The following CLNK variants were observed in gnomAD, a reference collection of about 807,000 sequenced individuals.
The protein encoded by CLNK is cytokine dependent hematopoietic cell linker.
Under a neutral mutation model 68.6 loss-of-function variants are expected in CLNK, and 74 were observed. That is an observed-to-expected ratio of 1.08 (90% confidence interval 0.89 to 1.31). The LOEUF (loss-of-function observed/expected upper bound fraction) is 1.31. Ranked by LOEUF, CLNK falls within the 50% of genes most tolerant of loss-of-function variation. The probability of loss-of-function intolerance (pLI) is 0.00; values close to 1 mark genes in which losing one functional copy is unlikely to be tolerated. For missense variants in CLNK, 553 were observed against 515.3 expected, an observed-to-expected ratio of 1.07 and a Z score of -0.71; for synonymous variants, 198 against 172.2, an observed-to-expected ratio of 1.15 and a Z score of -1.17.
chr4:10,531,933 A>C (rs950736840), intron 12 of CLNK, among the ~76,000 whole-genome samples: 1 of 152,220 alleles, frequency 6.6e-6, no homozygotes, highest in African/African-American at 2.4e-5. Flanking sequence ...TACCATTTCT[A>C]ACACTTGATT....
chr4:10,718,093 T>C, the CLNK span, among the ~76,000 whole-genome samples: 2 of 152,126 alleles, frequency 1.3e-5, no homozygotes, highest in Admixed American at 6.5e-5. Flanking sequence ...CAAAATTCTA[T>C]ACAAAACCTC....
intron 18 of CLNK, among the ~76,000 whole-genome samples, chr4:10,496,925 C>T (rs1038793927): frequency 1.3e-5 from 2 of 152,200 alleles, no homozygotes; most frequent in African/African-American, 4.8e-5. Context: ...CCCGCTCCCA[C>T]CCTATGGAGT....
chr4:10,515,824 T>C (rs1017193986), intron 15 of CLNK, among the ~76,000 whole-genome samples: 2 of 152,210 alleles, frequency 1.3e-5, no homozygotes, highest in African/African-American at 4.8e-5. Context: ...ATTTTCCAAG[T>C]GATCAATGCA....
At chr4:10,685,390 A>G (rs1355270945), upstream of CLNK, among the ~76,000 whole-genome samples, 1 of 152,202 alleles carries the variant, frequency 6.6e-6, no homozygotes, top group Non-Finnish European at 1.5e-5. Context: ...TGATGGAAGG[A>G]TAATATTTAT....
At chr4:10,593,749 G>T (rs182561511) in intron 3 of CLNK, among the ~76,000 whole-genome samples, 72 of 152,340 alleles carry the variant, frequency 4.7e-4, no homozygotes, top group Middle Eastern at 6.8e-3. Context: ...AGAAATTATG[G>T]CTGCCTGCAC....
At chr4:10,527,538 A>C (rs1489990757) in intron 13 of CLNK, among the ~76,000 whole-genome samples, 1 of 152,240 alleles carries the variant, frequency 6.6e-6, no homozygotes, top group Non-Finnish European at 1.5e-5. Flanking sequence ...ATAATTCATC[A>C]TTCTAGAAGA....
At chr4:10,692,082 C>A in the CLNK span, 1 of 151,588 alleles carries the variant, frequency 6.6e-6, no homozygotes, top group Non-Finnish European at 1.5e-5. Flanking sequence ...GAGAAAGGAA[C>A]CAGAATCACT....
chr4:10,625,521 G>A (rs966726162), intron 2 of CLNK, among the ~76,000 whole-genome samples: 4 of 152,176 alleles, frequency 2.6e-5, no homozygotes, highest in Non-Finnish European at 4.4e-5. Flanking sequence ...ACAGGCGTGT[G>A]CAGGTGCATG....
chr4:10,492,660 A>G (rs1376733561), intron 18 of CLNK, among the ~76,000 whole-genome samples: 1 of 152,178 alleles, frequency 6.6e-6, no homozygotes, highest in Non-Finnish European at 1.5e-5. Context: ...TTAAAACGCT[A>G]TAAACCTGTG....
At chr4:10,712,277 G>T in the CLNK span, among the ~76,000 whole-genome samples, 1 of 152,108 alleles carries the variant, frequency 6.6e-6, no homozygotes, top group Non-Finnish European at 1.5e-5. Flanking sequence ...AGAGAATTTT[G>T]CTTAAGTCCC....
intron 2 of CLNK, among the ~76,000 whole-genome samples, chr4:10,663,910 A>T (rs1251822022): frequency 2.0e-5 from 3 of 152,196 alleles, no homozygotes; most frequent in African/African-American, 7.2e-5. Flanking sequence ...TTACCATGTG[A>T]AGACACAGCA....
intron 3 of CLNK, among the ~76,000 whole-genome samples, chr4:10,593,095 T>C (rs1314321037): frequency 6.6e-6 from 1 of 152,130 alleles, no homozygotes; most frequent in East Asian, 1.9e-4. Flanking sequence ...CACATTTTCT[T>C]CCCTGCATCC....
At chr4:10,510,313 T>C (rs1717524118) in intron 16 of CLNK, among the ~76,000 whole-genome samples, 1 of 152,166 alleles carries the variant, frequency 6.6e-6, no homozygotes, top group Non-Finnish European at 1.5e-5. Context: ...GCCAAATATG[T>C]CGTTAATATC....
In CLNK at chr4:10,646,466, T is replaced by TAC. The variant is rs370420252; in HGVS notation, c.11+21392_11+21393insGT. ...TGATGTGCAAAGAGAAATGGCCTGATAACGGGTTTCCAAGACATATTATCA... is the reference window on the plus strand; with the variant it reads ...TGATGTGCAAAGAGAAATGGCCTGATACAACGGGTTTCCAAGACATATTATCA... On this transcript the variant is annotated intron_variant, in intron 2 of 18. Transcript: ENST00000226951. Among the ~76,000 whole-genome samples, 284 of 152,322 alleles carry TAC rather than the reference T, an allele frequency of 1.9e-3. 1 individual carries two copies. The highest frequency in any genetic ancestry group is 6.4e-3 in the African/African-American group (268 of 41,566).
chr4:10,507,595 C>G (rs888493058), intron 17 of CLNK, among the ~76,000 whole-genome samples: 1 of 152,054 alleles, frequency 6.6e-6, no homozygotes, highest in African/African-American at 2.4e-5. Context: ...TCCTGAGTAG[C>G]TTGGATTACA....
At chr4:10,568,712 C>T (rs10938855) in intron 5 of CLNK, among the ~76,000 whole-genome samples, 110,348 of 152,074 alleles carry the variant, frequency 0.73, 41,130 homozygotes, top group East Asian at 0.86. Flanking sequence ...TGAAACAACC[C>T]GAAAGAATCT....
chr4:10,523,569 A>G (rs1370503094), intron 14 of CLNK, among the ~76,000 whole-genome samples: 2 of 151,750 alleles, frequency 1.3e-5, no homozygotes, highest in African/African-American at 4.8e-5. Context: ...TAAGAGAGGG[A>G]GAAAAATCAA....
chr4:10,503,607 A>G (rs750980166), intron 17 of CLNK, among the ~76,000 whole-genome samples: 15 of 148,468 alleles, frequency 1.0e-4, no homozygotes, highest in Non-Finnish European at 1.5e-4. Context: ...ATAAATATAG[A>G]TATATAATAA....
intron 17 of CLNK, among the ~76,000 whole-genome samples, chr4:10,506,085 A>G (rs867325730): frequency 3.3e-5 from 5 of 152,256 alleles, no homozygotes; most frequent in Middle Eastern, 3.4e-3. Flanking sequence ...GACACTTTCT[A>G]TAACTTCTAA....
Sources: allele counts gnomAD v4.1 joint callset (sites outside exome capture counted in the v4.1 genomes callset), GRCh38; gene constraint gnomAD v4.1.1; transcripts MANE v1.5; gene names NCBI Gene and HGNC (gene_info 2026-07-23, HGNC 2026-07-21).